Variants in AGBL4 observed in about 807,000 individuals in gnomAD.
The protein encoded by AGBL4 is cytosolic carboxypeptidase 6.
Under a neutral mutation model 66.4 loss-of-function variants are expected in AGBL4, and 58 were observed. The observed-to-expected ratio is 0.87, with a 90% CI of 0.71 to 1.09. The LOEUF is 1.09. Among genes scored for constraint, AGBL4 ranks in the 50% least tolerant of loss-of-function variants. The pLI is 0.00. For synonymous variants in AGBL4, 234 were observed against 222.9 expected (o/e 1.05, Z -0.44); for missense variants, 579 against 631.0 (o/e 0.92, Z 0.88).
chr1:49,794,023 T>C (rs1439547128), intron 2 of AGBL4, among the ~76,000 whole-genome samples: 1 of 151,958 alleles, frequency 6.6e-6, no homozygotes, highest in Non-Finnish European at 1.5e-5. Context: ...CACATGATGA[T>C]CACTGATGAC....
At chr1:48,876,456 T>C (rs183265403) in intron 5 of AGBL4, among the ~76,000 whole-genome samples, 22 of 152,258 alleles carry the variant, frequency 1.4e-4, no homozygotes, top group African/African-American at 5.3e-4. Context: ...GTCAGAAGAT[T>C]ACATGCTAGG....
At chr1:48,649,855 C>T (rs1223083447) in intron 8 of AGBL4, among the ~76,000 whole-genome samples, 1 of 152,168 alleles carries the variant, frequency 6.6e-6, no homozygotes, top group Non-Finnish European at 1.5e-5. Context: ...GCTTTAAATG[C>T]ATTATCTCAC....
rs762483815 is a variant in AGBL4, at chr1:49,602,030, G to T, written c.282+95283C>A. 3.9e-5 allele frequency among the ~76,000 whole-genome samples: 6 copies of T among 152,228 alleles called. No homozygotes were observed. The East Asian group carries it at 7.7e-4, about 20-fold the overall frequency. ...AGAAAAAAACAACCCCATCAAAAAT[G>T]GGCAAAGGATATGAACAGACCCTTC... On this transcript the variant is annotated intron_variant, in intron 3 of 13. Coordinates refer to ENST00000371839, the MANE Select transcript of AGBL4 (RefSeq NM_032785.4).
intron 3 of AGBL4, among the ~76,000 whole-genome samples, chr1:49,406,035 C>T (rs571034494): frequency 6.6e-6 from 1 of 152,344 alleles, no homozygotes; most frequent in East Asian, 1.9e-4. Flanking sequence ...CTAGTCTCTG[C>T]TGCCCAAACA....
intron 7 of AGBL4, among the ~76,000 whole-genome samples, chr1:48,653,921 G>A (rs1645977998): frequency 6.6e-6 from 1 of 152,148 alleles, no homozygotes; most frequent in South Asian, 2.1e-4. Context: ...GTTGCTGATA[G>A]GCACACCAAG....
At chr1:48,757,492 C>T (rs1188703053) in intron 6 of AGBL4, among the ~76,000 whole-genome samples, 5 of 152,118 alleles carry the variant, frequency 3.3e-5, no homozygotes, top group African/African-American at 9.7e-5. Flanking sequence ...GGGGAGTGGA[C>T]AAAGTCCAGC....
At chr1:48,649,398 T>C (rs1284403272) in intron 8 of AGBL4, among the ~76,000 whole-genome samples, 1 of 152,216 alleles carries the variant, frequency 6.6e-6, no homozygotes, top group Non-Finnish European at 1.5e-5. Context: ...GCTTTTACTG[T>C]ATAAGGTAAC....
At chr1:49,131,013 A>T (rs1177658513) in intron 4 of AGBL4, among the ~76,000 whole-genome samples, 2 of 152,180 alleles carry the variant, frequency 1.3e-5, no homozygotes, top group Non-Finnish European at 2.9e-5. Context: ...AATTTACATC[A>T]ACAAATGAAT....
chr1:48,716,530 C>A (rs1266241643), intron 6 of AGBL4, among the ~76,000 whole-genome samples: 1 of 152,064 alleles, frequency 6.6e-6, no homozygotes, highest in African/African-American at 2.4e-5. Context: ...GTGTGCCTTG[C>A]TTAAGAGCCA....
At chr1:48,688,861 G>A (rs910159047) in intron 6 of AGBL4, among the ~76,000 whole-genome samples, 1 of 151,744 alleles carries the variant, frequency 6.6e-6, no homozygotes, top group Non-Finnish European at 1.5e-5. Context: ...GGGAGCCTGT[G>A]GCCATCTGTG....
chr1:49,648,455 A>G (rs1309737038), intron 3 of AGBL4, among the ~76,000 whole-genome samples: 3 of 152,128 alleles, frequency 2.0e-5, no homozygotes, highest in Non-Finnish European at 4.4e-5. Flanking sequence ...ATTTGCAAAC[A>G]TGATGACTAA....
At chr1:48,910,309 C>T (rs1217833463) in intron 5 of AGBL4, among the ~76,000 whole-genome samples, 3 of 152,160 alleles carry the variant, frequency 2.0e-5, no homozygotes, top group Non-Finnish European at 4.4e-5. Context: ...AGTTGAAATT[C>T]ACTGAACATT....
intron 6 of AGBL4, among the ~76,000 whole-genome samples, chr1:48,787,803 T>G (rs1645444257): frequency 6.6e-6 from 1 of 152,212 alleles, no homozygotes; most frequent in Non-Finnish European, 1.5e-5. Flanking sequence ...AAGAGAAAGA[T>G]GCACACAGGT....
At chr1:49,189,616 T>C (rs970627899) in intron 4 of AGBL4, among the ~76,000 whole-genome samples, 1 of 152,196 alleles carries the variant, frequency 6.6e-6, no homozygotes, top group Non-Finnish European at 1.5e-5. Flanking sequence ...TGGTCATCAG[T>C]TTCCTAATCA....
At chr1:49,072,056 G>A (rs1036072404) in intron 4 of AGBL4, among the ~76,000 whole-genome samples, 3 of 151,984 alleles carry the variant, frequency 2.0e-5, no homozygotes, top group African/African-American at 7.2e-5. Context: ...TCAGAGACTA[G>A]GACTGCAACA....
At chr1:48,853,156 A>G (rs1647070869) in intron 6 of AGBL4, among the ~76,000 whole-genome samples, 1 of 152,218 alleles carries the variant, frequency 6.6e-6, no homozygotes, top group Non-Finnish European at 1.5e-5. Context: ...AGCCCCACAG[A>G]GAAGTCTATG....
intron 3 of AGBL4, among the ~76,000 whole-genome samples, chr1:49,463,224 C>T (rs1286062468): frequency 6.6e-6 from 1 of 151,592 alleles, no homozygotes; most frequent in Non-Finnish European, 1.5e-5. Context: ...GGATTGGACC[C>T]CAAATTGACT....
chr1:49,494,989 T>C (rs1364114731), intron 3 of AGBL4, among the ~76,000 whole-genome samples: 1 of 152,092 alleles, frequency 6.6e-6, no homozygotes, highest in Non-Finnish European at 1.5e-5. Context: ...TTTTTTGTGG[T>C]ATGAATTGTC....
intron 5 of AGBL4, among the ~76,000 whole-genome samples, chr1:48,942,319 G>A (rs898083449): frequency 6.6e-6 from 1 of 151,874 alleles, no homozygotes; most frequent in Non-Finnish European, 1.5e-5. Context: ...GTGGGGGGGG[G>A]GGGTTGTGGT....
Sources: gnomAD v4.1 joint callset for allele counts (sites outside exome capture counted in the v4.1 genomes callset) on GRCh38, gnomAD v4.1.1 for gene constraint, MANE v1.5 for transcripts, NCBI Gene and HGNC (gene_info 2026-07-23, HGNC 2026-07-21) for gene names.